The following IPCEF1 variants were observed in gnomAD, a reference collection of about 807,000 sequenced individuals.
The protein encoded by IPCEF1 is interactor protein for cytohesin exchange factors 1.
A neutral mutation model predicts 50.9 loss-of-function variants in IPCEF1; 31 were observed. The observed-to-expected ratio is 0.61, with a 90% confidence interval of 0.46 to 0.82. The LOEUF is 0.82. Among genes scored for constraint, IPCEF1 ranks in the 40% least tolerant of loss-of-function variants. IPCEF1 has a pLI of 0.00. For synonymous variants in IPCEF1, 181 were observed against 192.0 expected (o/e 0.94, Z 0.47); for missense variants, 458 against 514.0 (o/e 0.89, Z 1.05).
chr6:154,228,287 C>T (rs6917621), intron 5 of IPCEF1, among the ~76,000 whole-genome samples: 8 of 144,386 alleles, frequency 5.5e-5, no homozygotes, highest in Non-Finnish European at 9.0e-5. Flanking sequence ...ACAACATAGG[C>T]AGACCTTGTC....
intron 3 of IPCEF1, among the ~76,000 whole-genome samples, chr6:154,261,166 C>T (rs992603853): frequency 6.6e-6 from 1 of 152,098 alleles, no homozygotes; most frequent in African/African-American, 2.4e-5. Context: ...TCCCAAGTAG[C>T]TGGGACTACA....
At chr6:154,345,342 C>A (rs902207225) in intron 1 of IPCEF1, among the ~76,000 whole-genome samples, 4 of 152,138 alleles carry the variant, frequency 2.6e-5, no homozygotes, top group African/African-American at 9.7e-5. Context: ...GGGGACTGAA[C>A]AGAAATTCTA....
In IPCEF1 at chr6:154,238,929, T is replaced by TA. The variant is rs1562560427; in HGVS notation, c.246+7661_246+7662insT. Among the ~76,000 whole-genome samples the TA allele has an allele frequency of 5.3e-3, 798 of 151,770 alleles. 5 individuals carry two copies. The highest frequency in any genetic ancestry group is 0.018 in the African/African-American group (761 of 41,334). ...GTTGGATTCTATATTGTTGTTTTTT[T>TA]TAAAAAAAAAAAGAAGTTGTGGAAA... On this transcript the variant is annotated intron_variant, in intron 5 of 11. Transcript: ENST00000367220.
At chr6:154,273,248 A>T (rs1435114094) in intron 2 of IPCEF1, among the ~76,000 whole-genome samples, 1 of 152,234 alleles carries the variant, frequency 6.6e-6, no homozygotes, top group South Asian at 2.1e-4. Flanking sequence ...AACACAGGCA[A>T]ACAATGTGCG....
At chr6:154,288,672 A>C (rs557333817) in intron 2 of IPCEF1, among the ~76,000 whole-genome samples, 1,955 of 16,290 alleles carry the variant, frequency 0.12, 83 homozygotes, top group African/African-American at 0.4. Context: ...AAAAACAAAA[A>C]AAACAAAAAA....
chr6:154,259,839 A>ACTGTTTTTG (rs1325944800), intron 3 of IPCEF1, among the ~76,000 whole-genome samples: 4 of 152,096 alleles, frequency 2.6e-5, no homozygotes, highest in Non-Finnish European at 4.4e-5. Flanking sequence ...AATATGTTCA[A>ACTGTTTTTG]GTCTCCTGTT....
chr6:154,195,488 T>C (rs574617355), intron 10 of IPCEF1, among the ~76,000 whole-genome samples: 2 of 152,236 alleles, frequency 1.3e-5, no homozygotes, highest in South Asian at 4.2e-4. Flanking sequence ...CAACTCACCC[T>C]GATGAGAAAT....
intron 5 of IPCEF1, among the ~76,000 whole-genome samples, chr6:154,232,389 T>A (rs1022392636): frequency 1.3e-5 from 2 of 152,228 alleles, no homozygotes; most frequent in Non-Finnish European, 2.9e-5. Context: ...TAGCATTTAT[T>A]GAGCGCTAAG....
At chr6:154,212,426 AG>A (rs1778038058) in intron 9 of IPCEF1, among the ~76,000 whole-genome samples, 1 of 152,230 alleles carries the variant, frequency 6.6e-6, no homozygotes, top group African/African-American at 2.4e-5. Flanking sequence ...CACATAGGCA[AG>A]GCATTTAAAT....
At chr6:154,258,773 C>G (rs1781522952) in intron 3 of IPCEF1, among the ~76,000 whole-genome samples, 1 of 152,236 alleles carries the variant, frequency 6.6e-6, no homozygotes, top group African/African-American at 2.4e-5. Context: ...ATTCAACACA[C>G]CACTGAACAA....
intron 1 of IPCEF1, among the ~76,000 whole-genome samples, chr6:154,355,775 C>G (rs1784207158): frequency 6.6e-6 from 1 of 151,904 alleles, no homozygotes; most frequent in African/African-American, 2.4e-5. Flanking sequence ...AAGCGTGAGC[C>G]ACCGCACCCG....
chr6:154,203,112 T>C (rs1290186785), intron 9 of IPCEF1, among the ~76,000 whole-genome samples: 1 of 152,190 alleles, frequency 6.6e-6, no homozygotes, highest in African/African-American at 2.4e-5. Flanking sequence ...ACATCAAGCA[T>C]AGAACTCTTA....
At chr6:154,339,944 T>C (rs1273894597) in intron 1 of IPCEF1, among the ~76,000 whole-genome samples, 1 of 151,788 alleles carries the variant, frequency 6.6e-6, no homozygotes, top group Admixed American at 6.6e-5. Flanking sequence ...ATAACGTCAG[T>C]AATGGGAGTG....
At chr6:154,241,743 A>G (rs540337368) in intron 5 of IPCEF1, among the ~76,000 whole-genome samples, 2 of 152,034 alleles carry the variant, frequency 1.3e-5, no homozygotes, top group East Asian at 1.9e-4. Context: ...AAAACATCCA[A>G]TCTATTGCTG....
At chr6:154,295,667 C>G (rs761590052) in intron 1 of IPCEF1, among the ~76,000 whole-genome samples, 4 of 152,244 alleles carry the variant, frequency 2.6e-5, no homozygotes, top group East Asian at 3.8e-4. Flanking sequence ...CCCCATGGCT[C>G]TCCCTCCAGT....
chr6:154,239,182 A>G (rs1368250361), intron 5 of IPCEF1, among the ~76,000 whole-genome samples: 1 of 152,224 alleles, frequency 6.6e-6, no homozygotes, highest in Non-Finnish European at 1.5e-5. Flanking sequence ...AAGTTTGGAA[A>G]GAATTTAAAG....
chr6:154,226,545 C>T (rs1316411400), intron 5 of IPCEF1, among the ~76,000 whole-genome samples: 1 of 152,122 alleles, frequency 6.6e-6, no homozygotes, highest in East Asian at 1.9e-4. Flanking sequence ...GCTGCATCTG[C>T]TCAGGTCTTC....
At chr6:154,322,466 C>A (rs560919679) in intron 1 of IPCEF1, among the ~76,000 whole-genome samples, 1 of 152,052 alleles carries the variant, frequency 6.6e-6, no homozygotes, top group East Asian at 1.9e-4. Flanking sequence ...ATCGTACTGG[C>A]AGCATTAACC....
chr6:154,231,565 C>A (rs527310467), intron 5 of IPCEF1, among the ~76,000 whole-genome samples: 1 of 152,204 alleles, frequency 6.6e-6, no homozygotes. Flanking sequence ...CCATACAACG[C>A]GTAGAGCAAT....
Sources: allele counts gnomAD v4.1 joint callset (sites outside exome capture counted in the v4.1 genomes callset), GRCh38; gene constraint gnomAD v4.1.1; transcripts MANE v1.5; gene names NCBI Gene and HGNC (gene_info 2026-07-23, HGNC 2026-07-21).